SDK1: variants seen among roughly 807,000 people sequenced by gnomAD.
SDK1 encodes the protein sidekick cell adhesion molecule 1, also known as protein sidekick-1.
SDK1 carries 157 observed loss-of-function variants against 245.5 expected under a neutral mutation model. The observed-to-expected ratio is 0.64, with a 90% CI of 0.56 to 0.73. The LOEUF is 0.73. Ranked by LOEUF, SDK1 falls within the 30% of genes least tolerant of loss-of-function variation. The pLI, the probability that SDK1 is intolerant of heterozygous loss-of-function variation, is 0.00. For synonymous variants in SDK1, 1,647 were observed against 1,278.5 expected, an observed-to-expected ratio of 1.29 and a Z score of -6.15; for missense variants, 3,583 against 3,002.3, an observed-to-expected ratio of 1.19 and a Z score of -4.52.
At chr7:3,617,529 T>G (rs899206026) in intron 1 of SDK1, among the ~76,000 whole-genome samples, 2 of 152,212 alleles carry the variant, frequency 1.3e-5, no homozygotes, top group Admixed American at 1.3e-4. Flanking sequence ...TCTGCTGCTG[T>G]AACAGACTGG....
At chr7:3,874,980 G>A (rs993070600) in intron 5 of SDK1, among the ~76,000 whole-genome samples, 2 of 152,122 alleles carry the variant, frequency 1.3e-5, no homozygotes, top group African/African-American at 2.4e-5. Context: ...TAGGGTTCCT[G>A]GAGGAAAATC....
chr7:3,480,549 G>A (rs996525662), intron 1 of SDK1, among the ~76,000 whole-genome samples: 1 of 152,222 alleles, frequency 6.6e-6, no homozygotes, highest in Non-Finnish European at 1.5e-5. Flanking sequence ...ATGGACACTT[G>A]CCTCCTTCCA....
chr7:3,514,240 A>C (rs193247520), intron 1 of SDK1, among the ~76,000 whole-genome samples: 1 of 152,126 alleles, frequency 6.6e-6, no homozygotes, highest in African/African-American at 2.4e-5. Flanking sequence ...TACAATGGAC[A>C]TTTCTGCATT....
intron 13 of SDK1, among the ~76,000 whole-genome samples, chr7:3,975,639 A>G (rs1384294741): frequency 1.3e-5 from 2 of 152,232 alleles, no homozygotes; most frequent in South Asian, 4.1e-4. Flanking sequence ...TGAACTCACA[A>G]ACAGCTTTCC....
intron 35 of SDK1, among the ~76,000 whole-genome samples, chr7:4,202,111 C>G (rs1218561990): frequency 6.6e-6 from 1 of 152,182 alleles, no homozygotes; most frequent in African/African-American, 2.4e-5. Flanking sequence ...ATCCACATCC[C>G]TAGCTGGACA....
At chr7:3,571,889 C>G (rs980384961) in intron 1 of SDK1, among the ~76,000 whole-genome samples, 4 of 152,034 alleles carry the variant, frequency 2.6e-5, no homozygotes, top group Admixed American at 2.6e-4. Context: ...TATATTTCTA[C>G]CTAGCCCTTA....
intron 1 of SDK1, among the ~76,000 whole-genome samples, chr7:3,586,381 C>T (rs549809278): frequency 1.1e-4 from 17 of 151,874 alleles, no homozygotes; most frequent in South Asian, 6.3e-4. Context: ...GAGGAGGGCT[C>T]GAGACCCCCC....
At chr7:3,390,757 C>T (rs189838061) in intron 1 of SDK1, among the ~76,000 whole-genome samples, 1 of 152,194 alleles carries the variant, frequency 6.6e-6, no homozygotes, top group East Asian at 1.9e-4. Context: ...ACAAATTCTC[C>T]CTTTGAGCCC....
At chr7:3,495,707 G>T (rs568255795) in intron 1 of SDK1, among the ~76,000 whole-genome samples, 16 of 152,340 alleles carry the variant, frequency 1.1e-4, no homozygotes. Context: ...AGTCTTCAGT[G>T]TTAGCTCCCT....
chr7:3,932,036 A>G (rs546508348), intron 5 of SDK1, among the ~76,000 whole-genome samples: 10 of 152,174 alleles, frequency 6.6e-5, no homozygotes, highest in Admixed American at 4.6e-4. Flanking sequence ...CACAGTCCAG[A>G]TTTGCTGAGT....
chr7:3,834,867 G>A (rs907435479), intron 5 of SDK1, among the ~76,000 whole-genome samples: 14 of 152,034 alleles, frequency 9.2e-5, no homozygotes, highest in Non-Finnish European at 1.8e-4. Context: ...TCCCTTTCCT[G>A]GTCCCCTCTC....
At chr7:3,480,671 A>G (rs1313925258) in intron 1 of SDK1, among the ~76,000 whole-genome samples, 2 of 152,196 alleles carry the variant, frequency 1.3e-5, no homozygotes, top group East Asian at 1.9e-4. Flanking sequence ...TGGGTCTGCC[A>G]TAGCGTGCAT....
At chr7:3,990,707 A>G (rs1784236795) in intron 14 of SDK1, among the ~76,000 whole-genome samples, 1 of 152,134 alleles carries the variant, frequency 6.6e-6, no homozygotes, top group Admixed American at 6.5e-5. Flanking sequence ...CTTAGTACGT[A>G]CTCAGCAAAT....
chr7:3,970,174 T>A (rs142823281), intron 11 of SDK1, among the ~76,000 whole-genome samples: 1 of 152,356 alleles, frequency 6.6e-6, no homozygotes, highest in East Asian at 1.9e-4. Flanking sequence ...TCACTCAGAT[T>A]TTTACAAATC....
chr7:4,199,982 C>CCCAGGTG (rs1783796266), intron 35 of SDK1, among the ~76,000 whole-genome samples: 1 of 152,180 alleles, frequency 6.6e-6, no homozygotes, highest in Non-Finnish European at 1.5e-5. Context: ...GTAATCCCAG[C>CCCAGGTG]TACTCAGGAG....
chr7:3,376,812 G>T (rs982615236), intron 1 of SDK1, among the ~76,000 whole-genome samples: 1 of 151,994 alleles, frequency 6.6e-6, no homozygotes, highest in Non-Finnish European at 1.5e-5. Flanking sequence ...AAAAAATCCC[G>T]AATTTCAAAA....
chr7:3,824,244 G>C (rs41875), intron 5 of SDK1, among the ~76,000 whole-genome samples: 36,114 of 152,052 alleles, frequency 0.24, 5,270 homozygotes, highest in Non-Finnish European at 0.32. Context: ...TGCAGACTTA[G>C]ATATCTTTTT....
chr7:4,041,497 A>G (rs980918541), intron 17 of SDK1, among the ~76,000 whole-genome samples: 1 of 152,058 alleles, frequency 6.6e-6, no homozygotes, highest in Non-Finnish European at 1.5e-5. Context: ...CACGCTTGGC[A>G]CTGTGCATTC....
At chr7:3,863,249 C>T (rs185225932) in intron 5 of SDK1, among the ~76,000 whole-genome samples, 93 of 152,278 alleles carry the variant, frequency 6.1e-4, no homozygotes, top group African/African-American at 2.1e-3. Flanking sequence ...TGCTTGCCTC[C>T]TGGGTTCCTT....
Sources: gnomAD v4.1 joint callset for allele counts (sites outside exome capture counted in the v4.1 genomes callset) on GRCh38, gnomAD v4.1.1 for gene constraint, MANE v1.5 for transcripts, NCBI Gene and HGNC (gene_info 2026-07-23, HGNC 2026-07-21) for gene names.